LIG3: variants seen among roughly 807,000 people sequenced by gnomAD.
The protein encoded by LIG3 is ligase II, DNA, ATP-dependent.
LIG3 carries 58 observed loss-of-function variants against 110.9 expected under a neutral mutation model. That is an observed-to-expected ratio of 0.52 (90% CI 0.42 to 0.65). LIG3 has a LOEUF of 0.65. LIG3 is among the 30% of genes least tolerant of loss of function. The pLI, the probability that LIG3 is intolerant of heterozygous loss-of-function variation, is 0.00. For missense variants in LIG3, 1,094 were observed against 1,273.8 expected (o/e 0.86, Z 2.15); for synonymous variants, 422 against 472.8 (o/e 0.89, Z 1.39).
Position 34,997,841 on chromosome 17 carries a change from A to G in LIG3, c.1911+16A>G, listed in dbSNP as rs1166214338. ...GCGAGTCACAGTAAGTGAAGACCCT[A>G]TGCTAGGCAGTGTCCTAGAAGTTTG... is the stretch of plus-strand genomic sequence containing the variant. On this transcript the variant is annotated intron_variant, in intron 12 of 19. Coordinates refer to ENST00000378526, the MANE Select transcript of LIG3 (RefSeq NM_013975.4). 4 of 1,599,060 alleles carry G rather than the reference A, an allele frequency of 2.5e-6. No homozygotes were observed. The East Asian group carries it at 6.7e-5, about 27-fold the overall frequency.
At chr17:34,987,990 C>G (rs902720766) in intron 3 of LIG3, among the ~76,000 whole-genome samples, 3 of 151,450 alleles carry the variant, frequency 2.0e-5, no homozygotes, top group African/African-American at 7.3e-5. Context: ...GTCAGGAGAT[C>G]GAGACCATCC....
intron 19 of LIG3, chr17:35,003,283 T>C (rs944480303): frequency 2.3e-6 from 2 of 886,686 alleles, no homozygotes. Context: ...AGTCTTGGGT[T>C]TGGCAACATC....
chr17:34,980,728 C>T, intron 1 of LIG3, 106 bp downstream of exon 1: 1 of 572,928 alleles, frequency 1.7e-6, no homozygotes, highest in Middle Eastern at 8.3e-4. Flanking sequence ...CCCCCCGGCT[C>T]CTCCCCCGCC....
intron 18 of LIG3, 103 bp from the exon 19 acceptor site, chr17:35,002,565 C>A: frequency 7.8e-7 from 1 of 1,280,168 alleles, no homozygotes. Flanking sequence ...GTGGCACGAC[C>A]ATAGCTCACT....
intron 17 of LIG3, 130 bp downstream of exon 17, chr17:35,001,533 G>C: frequency 1.0e-6 from 1 of 967,600 alleles, no homozygotes; most frequent in East Asian, 2.6e-5. Flanking sequence ...AGCAAGGAGG[G>C]CAATTAGAGA....
At chr17:35,003,267 C>T (rs2090864285) in intron 19 of LIG3, 1 of 1,058,742 alleles carries the variant, frequency 9.4e-7, no homozygotes, top group Non-Finnish European at 1.3e-6. Context: ...GTTACATTTT[C>T]TTGTCAGTCT....
chr17:34,993,455 T>C (rs2090746694), intron 8 of LIG3, among the ~76,000 whole-genome samples: 1 of 152,210 alleles, frequency 6.6e-6, no homozygotes, highest in African/African-American at 2.4e-5. Flanking sequence ...ATCCCAGAGA[T>C]GGGACTGCGG....
chr17:34,999,526 A>G, intron 15 of LIG3, 77 bp downstream of exon 15: 2 of 1,526,062 alleles, frequency 1.3e-6, no homozygotes, highest in South Asian at 1.2e-5. Context: ...TTTGGGGACT[A>G]CAGGTATTTC....
Position 34,983,340 on chromosome 17 carries a change from TTG to T in LIG3, c.338_339del (p.Val113GlufsTer20). 6.2e-7 allele frequency: 1 copy of T among 1,614,186 alleles called. No individual in the cohort carries two copies. The highest frequency in any genetic ancestry group is 1.3e-5 in the African/African-American group (1 of 75,040). Reference sequence around the variant, plus strand: ...GGCTGCAAAAAATGCAAGGAAAAGATTGTGAAGGGCGTATGCCGAATTGGCAA... The same window carrying T: ...GGCTGCAAAAAATGCAAGGAAAAGATTGAAGGGCGTATGCCGAATTGGCAA... On this transcript the variant is annotated frameshift_variant, in exon 2 of 20. Coordinates refer to ENST00000378526, the MANE Select transcript of LIG3 (RefSeq NM_013975.4). LOFTEE classifies it high-confidence loss of function.
rs1446000629 is a variant in LIG3, at chr17:35,009,623, T to C, written c.*5117T>C. On this transcript the variant is annotated 3_prime_UTR_variant, in exon 20 of 20. Transcript: ENST00000378526. ...AAATCAGGGTTGTTTGACACCTTTTTTCCTAAAGGGAAACCTTCACCAAAA... is the reference window on the plus strand; with the variant it reads ...AAATCAGGGTTGTTTGACACCTTTTCTCCTAAAGGGAAACCTTCACCAAAA... 2.0e-5 allele frequency: 3 copies of C among 152,216 alleles called. No individual in the cohort carries two copies. Among genetic ancestry groups the C allele is most frequent in the Admixed American group, 6.5e-5 (1 of 15,284 alleles). The allele number at this position is 152,216 out of a possible 1,614,324, so 9.4% of individuals were successfully genotyped here.
chr17:34,987,900 T>C (rs1416342414), intron 3 of LIG3, among the ~76,000 whole-genome samples: 3 of 152,116 alleles, frequency 2.0e-5, no homozygotes, highest in Non-Finnish European at 2.9e-5. Flanking sequence ...ATTTTTATTA[T>C]TTAAAAATTC....
chr17:34,986,095 AC>A lies in LIG3; in HGVS notation c.657del (p.Ser220ValfsTer86). 6.2e-7 allele frequency: 1 copy of A among 1,614,162 alleles called. No individual in the cohort carries two copies. The highest frequency in any genetic ancestry group is 8.5e-7 in the Non-Finnish European group (1 of 1,180,022). Reference protein sequence around the residue: ...TSPVKGASFVTSTNPRKFSGF... With the variant: ...TSPVKGASFVXSTNPRKFSGF... ...TCCAGTGAAAGGCGCCTCATTTGTC[AC>A]CAGTACCAATCCCCGGAAATTTTCT... On this transcript the variant is annotated frameshift_variant, in exon 3 of 20. Transcript: ENST00000378526. LOFTEE classifies it high-confidence loss of function.
At chr17:34,998,075 C>T (rs2090798232) in intron 12 of LIG3, 144 bp from the exon 13 acceptor site, 2 of 684,872 alleles carry the variant, frequency 2.9e-6, no homozygotes, top group Non-Finnish European at 4.9e-6. Context: ...GAGAAGCAAC[C>T]TGCTTTCTAA....
intron 1 of LIG3, chr17:34,981,429 C>T (rs915356201): frequency 6.6e-6 from 1 of 152,182 alleles, no homozygotes; most frequent in Non-Finnish European, 1.5e-5. Flanking sequence ...GATAGACCTC[C>T]TCCAAAAAAC....
rs2090897752 is a variant in LIG3 at position 35,006,751 on chromosome 17, A to G, written c.*2245A>G. ...CTTGAGGGTCAGTTCTCACCTTATG[A>G]ACAAATTAACAGGCTCTGGACCTAT... On this transcript the variant is annotated 3_prime_UTR_variant, in exon 20 of 20. Coordinates refer to ENST00000378526, the MANE Select transcript of LIG3 (RefSeq NM_013975.4). 6.6e-6 allele frequency: 1 copy of G among 152,210 alleles called. No homozygotes were observed. Among genetic ancestry groups the G allele is most frequent in the Admixed American group, 6.5e-5 (1 of 15,268 alleles). 9.4% of individuals were successfully genotyped at this position (152,210 alleles called of 1,614,324 possible).
At chr17:34,981,953 A>G (rs1044860504) in intron 1 of LIG3, among the ~76,000 whole-genome samples, 1 of 152,218 alleles carries the variant, frequency 6.6e-6, no homozygotes, top group Non-Finnish European at 1.5e-5. Context: ...TAAACAGGTT[A>G]ATTGCACATC....
intron 4 of LIG3, 144 bp downstream of exon 4, chr17:34,989,807 T>C: frequency 1.3e-6 from 1 of 749,990 alleles, no homozygotes; most frequent in Non-Finnish European, 2.2e-6. Context: ...AAATTCTTAA[T>C]AATTTTGAAC....
chr17:35,001,502 TC>T, intron 17 of LIG3, 99 bp downstream of exon 17: 1 of 1,249,392 alleles, frequency 8.0e-7, no homozygotes, highest in Non-Finnish European at 1.1e-6. Context: ...TCTTCTCCTT[TC>T]CCCCATTCTC....
intron 3 of LIG3, among the ~76,000 whole-genome samples, chr17:34,988,035 A>G (rs1012267601): frequency 4.0e-5 from 6 of 151,704 alleles, no homozygotes; most frequent in Non-Finnish European, 8.8e-5. Context: ...TCTACTAAAA[A>G]TAAAAAAATT....
Sources: allele counts gnomAD v4.1 joint callset (sites outside exome capture counted in the v4.1 genomes callset), GRCh38; gene constraint gnomAD v4.1.1; transcripts MANE v1.5; gene names NCBI Gene and HGNC (gene_info 2026-07-23, HGNC 2026-07-21).